ANO4: variants seen among roughly 807,000 people sequenced by gnomAD.
ANO4 encodes the protein anoctamin-4.
ANO4 carries 69 observed loss-of-function variants against 141.9 expected under a neutral mutation model. The ratio of observed to expected loss-of-function variants is 0.49; its 90% CI spans 0.40 to 0.59. The LOEUF is 0.59. Ranked by LOEUF, ANO4 falls within the 20% of genes least tolerant of loss-of-function variation. The pLI, the probability that ANO4 is intolerant of heterozygous loss-of-function variation, is 0.00. For synonymous variants in ANO4, 350 were observed against 394.3 expected (o/e 0.89, Z 1.33); for missense variants, 894 against 1,162.2 (o/e 0.77, Z 3.36).
At chr12:100,870,093 A>C (rs1565953917) in intron 1 of ANO4, among the ~76,000 whole-genome samples, 2 of 152,212 alleles carry the variant, frequency 1.3e-5, no homozygotes, top group Non-Finnish European at 2.9e-5. Context: ...AAAATTCATG[A>C]AGGGTTATAG....
At chr12:101,005,906 T>C (rs1463445373) in intron 8 of ANO4, among the ~76,000 whole-genome samples, 1 of 152,186 alleles carries the variant, frequency 6.6e-6, no homozygotes, top group African/African-American at 2.4e-5. Flanking sequence ...TCTTTTCCCC[T>C]ATCATTTCCT....
At chr12:100,914,078 A>C (rs964988004) in intron 2 of ANO4, among the ~76,000 whole-genome samples, 1 of 152,230 alleles carries the variant, frequency 6.6e-6, no homozygotes, top group African/African-American at 2.4e-5. Flanking sequence ...AAGACACCAC[A>C]GAATTCTGCC....
At chr12:101,050,692 G>T (rs1258965785) in intron 14 of ANO4, among the ~76,000 whole-genome samples, 4 of 152,098 alleles carry the variant, frequency 2.6e-5, no homozygotes, top group Admixed American at 2.0e-4. Flanking sequence ...AAACCTAAAT[G>T]TATTCATTTC....
chr12:100,811,256 C>G (rs2035417215), intron 1 of ANO4, among the ~76,000 whole-genome samples: 1 of 152,066 alleles, frequency 6.6e-6, no homozygotes, highest in Admixed American at 6.6e-5. Context: ...TTGCTTTTAG[C>G]TAAAATCAAG....
rs183131109 is a variant in ANO4 at position 100,964,491 on chromosome 12, T to C, written c.457-6815T>C. On this transcript the variant is annotated intron_variant, in intron 5 of 27. Transcript: ENST00000392977. ...GATTTTTTTTAATCCAAGAGGCTTA[T>C]CTGAGTTTCCAATTAGAAATTAATA... Among the ~76,000 whole-genome samples the C allele has an allele frequency of 2.9e-3, 446 of 152,258 alleles. 3 individuals are homozygous for C. Among genetic ancestry groups the C allele is most frequent in the African/African-American group, 0.01 (425 of 41,546 alleles).
intron 5 of ANO4, among the ~76,000 whole-genome samples, chr12:100,956,125 G>T (rs1057001278): frequency 1.3e-5 from 2 of 152,068 alleles, no homozygotes; most frequent in African/African-American, 2.4e-5. Flanking sequence ...CCAAAATGTT[G>T]CAACCAAATA....
chr12:100,859,732 G>A (rs1232597309), intron 1 of ANO4, among the ~76,000 whole-genome samples: 1 of 152,158 alleles, frequency 6.6e-6, no homozygotes, highest in East Asian at 1.9e-4. Context: ...GCCTCTGTGA[G>A]GGCAGAGATA....
At chr12:101,033,841 G>A (rs1458787099) in intron 9 of ANO4, among the ~76,000 whole-genome samples, 1 of 151,994 alleles carries the variant, frequency 6.6e-6, no homozygotes, top group Non-Finnish European at 1.5e-5. Flanking sequence ...TATAAACAGA[G>A]ACTTCTCAAA....
chr12:100,994,382 G>A (rs184886801), intron 8 of ANO4, among the ~76,000 whole-genome samples: 2 of 152,204 alleles, frequency 1.3e-5, no homozygotes, highest in Non-Finnish European at 2.9e-5. Flanking sequence ...TGGCATTAGC[G>A]ATGACACCCT....
intron 22 of ANO4, among the ~76,000 whole-genome samples, chr12:101,101,402 A>C (rs909041058): frequency 2.0e-4 from 30 of 152,180 alleles, no homozygotes; most frequent in African/African-American, 7.2e-4. Flanking sequence ...AATGTAGACC[A>C]GGAGCCAAAT....
chr12:100,847,905 T>C (rs187410424), intron 1 of ANO4, among the ~76,000 whole-genome samples: 721 of 152,310 alleles, frequency 4.7e-3, no homozygotes, highest in Non-Finnish European at 7.0e-3. Context: ...AATAGCCACT[T>C]CTCATTTTGC....
chr12:101,066,581 A>AAC (rs1054799269), intron 14 of ANO4, among the ~76,000 whole-genome samples: 1 of 152,230 alleles, frequency 6.6e-6, no homozygotes, highest in Non-Finnish European at 1.5e-5. Flanking sequence ...AAAACTATAG[A>AAC]ACACTGACGA....
chr12:101,106,854 AAATT>A lies in ANO4; in HGVS notation c.2150-3546_2150-3543del, dbSNP rs1164426823. The stretch of plus-strand genomic sequence containing the variant: ...AAGTTTTTTCCCAAAGAATTTTTAA[AAATT>A]AATCTACCTCTATGCTACAAGTCTC... On this transcript the variant is annotated intron_variant, in intron 22 of 27. Coordinates refer to ENST00000392977, the MANE Select transcript of ANO4 (RefSeq NM_001286615.2). Among the ~76,000 whole-genome samples the A allele has an allele frequency of 7.9e-5, 12 of 150,962 alleles. 1 individual carries two copies. The highest frequency in any genetic ancestry group is 7.9e-4 in the Admixed American group (12 of 15,106).
At chr12:101,046,289 T>G (rs1362702143) in intron 13 of ANO4, among the ~76,000 whole-genome samples, 1 of 152,194 alleles carries the variant, frequency 6.6e-6, no homozygotes, top group African/African-American at 2.4e-5. Context: ...TTTTCACCCA[T>G]GTCTAACAGA....
In ANO4 at chr12:101,108,801, C is replaced by A. The variant is rs111914204; in HGVS notation, c.2150-1603C>A. Reference sequence around the variant, plus strand: ...TCCTTTTGAAAAAATTTTTATTTTGCAAGTTGCAAAAAGAGTAGTTTCTAT... The same window carrying A: ...TCCTTTTGAAAAAATTTTTATTTTGAAAGTTGCAAAAAGAGTAGTTTCTAT... On this transcript the variant is annotated intron_variant, in intron 22 of 27. Coordinates refer to ENST00000392977, the MANE Select transcript of ANO4 (RefSeq NM_001286615.2). Among the ~76,000 whole-genome samples the A allele has an allele frequency of 4.4e-3, 670 of 152,040 alleles. 9 individuals are homozygous for A. The highest frequency in any genetic ancestry group is 0.016 in the African/African-American group (646 of 41,478).
intron 14 of ANO4, chr12:101,068,680 A>C: frequency 7.7e-7 from 1 of 1,306,116 alleles, no homozygotes; most frequent in Non-Finnish European, 1.1e-6. Flanking sequence ...TAACTATTAG[A>C]GTAGGATCAA....
chr12:100,898,775 A>G (rs1472446362), intron 1 of ANO4, among the ~76,000 whole-genome samples: 3 of 152,208 alleles, frequency 2.0e-5, no homozygotes, highest in Non-Finnish European at 2.9e-5. Flanking sequence ...CCTCTGCAAA[A>G]AGGAAAAGAA....
intron 1 of ANO4, among the ~76,000 whole-genome samples, chr12:100,724,709 T>C (rs2031028181): frequency 6.6e-6 from 1 of 152,146 alleles, no homozygotes; most frequent in African/African-American, 2.4e-5. Context: ...GTGTCTACTA[T>C]ATGTTTTTTG....
chr12:101,055,527 T>C (rs2048080758), intron 14 of ANO4, among the ~76,000 whole-genome samples: 1 of 152,224 alleles, frequency 6.6e-6, no homozygotes, highest in African/African-American at 2.4e-5. Context: ...TTGGGTTGTC[T>C]GTCTTATTTT....
Sources: gnomAD v4.1 joint callset for allele counts (sites outside exome capture counted in the v4.1 genomes callset) on GRCh38, gnomAD v4.1.1 for gene constraint, MANE v1.5 for transcripts, NCBI Gene and HGNC (gene_info 2026-07-23, HGNC 2026-07-21) for gene names.